Variants in TRPM3 observed in about 807,000 individuals in gnomAD.
TRPM3 encodes the protein long transient receptor potential channel 3.
Under a neutral mutation model 181.2 loss-of-function variants are expected in TRPM3, and 77 were observed. The ratio of observed to expected loss-of-function variants is 0.42; its 90% CI spans 0.35 to 0.51. The LOEUF is 0.51. Ranked by LOEUF, TRPM3 falls within the 20% of genes least tolerant of loss-of-function variation. TRPM3 has a pLI of 0.01. For synonymous variants in TRPM3, 745 were observed against 796.4 expected, an observed-to-expected ratio of 0.94 and a Z score of 1.09; for missense variants, 1,759 against 2,196.7, an observed-to-expected ratio of 0.80 and a Z score of 3.98.
chr9:70,847,812 G>A (rs766734254), intron 3 of TRPM3, among the ~76,000 whole-genome samples: 19 of 152,010 alleles, frequency 1.2e-4, no homozygotes, highest in Non-Finnish European at 1.5e-4. Flanking sequence ...CACACTATCA[G>A]TGTGGTTTAA....
At chr9:71,338,485 G>A (rs1307801010) in intron 1 of TRPM3, among the ~76,000 whole-genome samples, 1 of 152,136 alleles carries the variant, frequency 6.6e-6, no homozygotes, top group African/African-American at 2.4e-5. Context: ...TTCCAAGGCA[G>A]ATTTTAGAAT....
intron 9 of TRPM3, among the ~76,000 whole-genome samples, chr9:70,667,339 A>G (rs1420380296): frequency 2.6e-5 from 4 of 152,158 alleles, no homozygotes; most frequent in African/African-American, 4.8e-5. Flanking sequence ...ATCAAAATTT[A>G]CAGAAAAGGC....
chr9:71,320,557 C>T (rs116958954), intron 1 of TRPM3, among the ~76,000 whole-genome samples: 1 of 152,268 alleles, frequency 6.6e-6, no homozygotes, highest in South Asian at 2.1e-4. Flanking sequence ...AAATCCAACC[C>T]TGGACACCTC....
chr9:70,853,690 A>G (rs1014305881), intron 3 of TRPM3, among the ~76,000 whole-genome samples: 5 of 152,208 alleles, frequency 3.3e-5, no homozygotes, highest in African/African-American at 1.2e-4. Context: ...TTAACTGTAG[A>G]ACACACCTAA....
rs576649836 is a variant in TRPM3 at position 71,300,690 on chromosome 9, T to C, written c.183+145963A>G. On this transcript the variant is annotated intron_variant, in intron 1 of 24. Coordinates refer to the TRPM3 transcript ENST00000357533. ...TCAGTTAATTAAAGGTCAGTCTTTA[T>C]GATGTAAAAGTTTGCTAATAAAAGC... Among the ~76,000 whole-genome samples, 10 of 152,268 alleles carry C rather than the reference T, an allele frequency of 6.6e-5. No homozygotes were observed. In the South Asian group the frequency reaches 1.9e-3, roughly 28 times the overall value.
rs1280062923 is a variant in TRPM3, at chr9:70,530,965, A to C, written c.*4988T>G. 6.6e-6 allele frequency: 1 copy of C among 152,202 alleles called. No individual in the cohort carries two copies. Among genetic ancestry groups the C allele is most frequent in the African/African-American group, 2.4e-5 (1 of 41,456 alleles). The allele number at this position is 152,202 out of a possible 1,614,324, so 9.4% of individuals were successfully genotyped here. ...ACTCTTTAGAACCACCCAGTGCTTCATCAGACACCCAAACACACGCCTCCC... is the reference window on the plus strand; with the variant it reads ...ACTCTTTAGAACCACCCAGTGCTTCCTCAGACACCCAAACACACGCCTCCC... On this transcript the variant is annotated 3_prime_UTR_variant, in exon 26 of 26. Coordinates refer to ENST00000677713, the MANE Select transcript of TRPM3 (RefSeq NM_001366145.2).
intron 9 of TRPM3, among the ~76,000 whole-genome samples, chr9:70,679,319 T>C (rs1046303044): frequency 6.6e-6 from 1 of 152,208 alleles, no homozygotes; most frequent in African/African-American, 2.4e-5. Context: ...ATATGGTATG[T>C]CATACTCAAA....
At position 70,860,014 on chromosome 9, in the gene TRPM3, C is replaced by T. The variant is rs1261850571; in HGVS notation, c.462+2894G>A. Among the ~76,000 whole-genome samples the T allele has an allele frequency of 2.6e-5, 4 of 152,276 alleles. No homozygotes were observed. The East Asian group carries it at 7.7e-4, about 29-fold the overall frequency. ...AGAGTTGATTGTGGACTTATGCAGCCTGGCACCCCTATGGAAATATTCTAA... is the reference window on the plus strand; with the variant it reads ...AGAGTTGATTGTGGACTTATGCAGCTTGGCACCCCTATGGAAATATTCTAA... On this transcript the variant is annotated intron_variant, in intron 3 of 25. Transcript: ENST00000677713.
chr9:71,341,819 T>C (rs1348962971), intron 1 of TRPM3, among the ~76,000 whole-genome samples: 2 of 151,956 alleles, frequency 1.3e-5, no homozygotes, highest in African/African-American at 2.4e-5. Flanking sequence ...GAGAAAAGTA[T>C]ATATGAGGAC....
chr9:71,065,180 A>G (rs1181568756), intron 1 of TRPM3, among the ~76,000 whole-genome samples: 2 of 152,138 alleles, frequency 1.3e-5, no homozygotes, highest in African/African-American at 4.8e-5. Flanking sequence ...GTTTTATTGT[A>G]GAAGGTAATA....
At chr9:71,298,029 G>T (rs926332534) in intron 1 of TRPM3, among the ~76,000 whole-genome samples, 5 of 151,958 alleles carry the variant, frequency 3.3e-5, no homozygotes, top group Admixed American at 3.3e-4. Context: ...GAATTTAGAG[G>T]TACTCTAGTC....
intron 1 of TRPM3, among the ~76,000 whole-genome samples, chr9:70,899,901 T>C (rs2096359041): frequency 6.6e-6 from 1 of 152,226 alleles, no homozygotes; most frequent in Non-Finnish European, 1.5e-5. Context: ...AATATATACT[T>C]GATGAGACTG....
intron 1 of TRPM3, among the ~76,000 whole-genome samples, chr9:71,175,114 C>T (rs1206396543): frequency 6.6e-6 from 1 of 152,130 alleles, no homozygotes; most frequent in East Asian, 1.9e-4. Flanking sequence ...GCAGTTCCTG[C>T]AAGACTGCCA....
At chr9:71,112,926 T>C (rs2134238331) in intron 1 of TRPM3, among the ~76,000 whole-genome samples, 1 of 152,128 alleles carries the variant, frequency 6.6e-6, no homozygotes, top group East Asian at 1.9e-4. Flanking sequence ...TTCCAGGCAG[T>C]AGAAATAAGT....
chr9:71,397,071 T>C (rs1299966066), intron 1 of TRPM3, among the ~76,000 whole-genome samples: 2 of 151,994 alleles, frequency 1.3e-5, no homozygotes, highest in African/African-American at 4.8e-5. Context: ...TTCTCCAACA[T>C]AGAGAATTCG....
chr9:70,620,067 C>A lies in TRPM3; in HGVS notation c.2129+9G>T, dbSNP rs373521209. 14 of 1,595,912 alleles carry A rather than the reference C, an allele frequency of 8.8e-6. No homozygotes were observed. The African/African-American group carries it at 1.7e-4, about 20-fold the overall frequency. ...CCCCTGACCAGCCCATTTTGCTGGG[C>A]GGACCCACCTGGAATTGTGATTCAG... is the stretch of plus-strand genomic sequence containing the variant. On this transcript the variant is annotated intron_variant, in intron 16 of 25. Coordinates refer to ENST00000677713, the MANE Select transcript of TRPM3 (RefSeq NM_001366145.2).
At chr9:71,111,687 A>G (rs1376600800) in intron 1 of TRPM3, among the ~76,000 whole-genome samples, 1 of 152,188 alleles carries the variant, frequency 6.6e-6, no homozygotes, top group Non-Finnish European at 1.5e-5. Flanking sequence ...GCCAGGTCCT[A>G]AATGTTCAAG....
rs193249992 is a variant in TRPM3, at chr9:71,280,012, A to G, written c.183+166641T>C. Among the ~76,000 whole-genome samples, 33 of 146,520 alleles carry G rather than the reference A, an allele frequency of 2.3e-4. No individual in the cohort carries two copies. In the East Asian group the frequency reaches 5.4e-3, roughly 24 times the overall value. ...TAGAATTGCTGGAACCCAGAGTCAG[A>G]GGTTGCAGTGAGCCGAGATCTTGAC... On this transcript the variant is annotated intron_variant, in intron 1 of 24. Coordinates refer to the TRPM3 transcript ENST00000357533.
At chr9:70,680,612 C>T (rs1390687454) in intron 9 of TRPM3, among the ~76,000 whole-genome samples, 6 of 152,082 alleles carry the variant, frequency 3.9e-5, no homozygotes, top group African/African-American at 1.2e-4. Flanking sequence ...CAGGTAGTGA[C>T]CAACCATGAC....
Sources: allele counts gnomAD v4.1 joint callset (sites outside exome capture counted in the v4.1 genomes callset), GRCh38; gene constraint gnomAD v4.1.1; transcripts MANE v1.5; gene names NCBI Gene and HGNC (gene_info 2026-07-23, HGNC 2026-07-21).